Variants in SUSD6 observed in about 807,000 individuals in gnomAD.
SUSD6 encodes sushi domain-containing protein 6.
In SUSD6, 16 loss-of-function variants were observed where a neutral mutation model predicts 28.4. The observed-to-expected ratio is 0.56, with a 90% CI of 0.38 to 0.86. SUSD6 has a LOEUF of 0.86. SUSD6 is among the 40% of genes least tolerant of loss of function. The pLI is 0.00. For synonymous variants in SUSD6, 147 were observed against 159.6 expected, an observed-to-expected ratio of 0.92 and a Z score of 0.59; for missense variants, 341 against 384.2, an observed-to-expected ratio of 0.89 and a Z score of 0.94.
chr14:69,695,538 G>A (rs929843385), intron 2 of SUSD6, among the ~76,000 whole-genome samples: 1 of 152,108 alleles, frequency 6.6e-6, no homozygotes, highest in African/African-American at 2.4e-5. Flanking sequence ...AGAGTCTACG[G>A]GCAGTACCCA....
chr14:69,677,557 A>G (rs1385965533), intron 2 of SUSD6, among the ~76,000 whole-genome samples: 2 of 152,102 alleles, frequency 1.3e-5, no homozygotes, highest in South Asian at 2.1e-4. Context: ...AAAAAAAAAA[A>G]AAAAAAGAAA....
chr14:69,656,899 C>T (rs1203778565), intron 1 of SUSD6, among the ~76,000 whole-genome samples: 1 of 152,236 alleles, frequency 6.6e-6, no homozygotes, highest in Admixed American at 6.5e-5. Context: ...CAGACTCCAT[C>T]CCAGACCTCT....
intron 2 of SUSD6, among the ~76,000 whole-genome samples, chr14:69,702,672 TG>T (rs1234300927): frequency 1.3e-5 from 2 of 152,262 alleles, no homozygotes; most frequent in Non-Finnish European, 2.9e-5. Flanking sequence ...TTTACCTTGC[TG>T]TAAGCTTGGC....
At chr14:69,659,611 G>A (rs1414021438) in intron 2 of SUSD6, among the ~76,000 whole-genome samples, 4 of 152,132 alleles carry the variant, frequency 2.6e-5, no homozygotes, top group South Asian at 2.1e-4. Context: ...TCTGCCTCCC[G>A]GGTTCCAGCG....
intron 1 of SUSD6, among the ~76,000 whole-genome samples, chr14:69,638,916 G>C (rs543613746): frequency 2.0e-3 from 297 of 152,294 alleles, no homozygotes; most frequent in Admixed American, 3.6e-3. Flanking sequence ...GCTTCTCTGA[G>C]CTCCTTTGGT....
rs764731508 is a variant in SUSD6 at position 69,658,643 on chromosome 14, C to T, written c.51C>T (p.Ala17=). The change falls in exon 2 of 6, where the codon GCC becomes GCT. Residue 17 remains alanine, a synonymous_variant. Coordinates refer to ENST00000342745, the MANE Select transcript of SUSD6 (RefSeq NM_014734.4). ...AGAGCACCTCAGTGTTTGCCGTGGC[C>T]TCCGTGGGACATGGAGTGTTCCTTC... ...APKSTSVFAV[A]SVGHGVFLPL... The T allele has an allele frequency of 1.9e-6, 3 of 1,614,110 alleles. No individual in the cohort carries two copies. The highest frequency in any genetic ancestry group is 1.7e-5 in the Admixed American group (1 of 60,020).
At chr14:69,677,125 A>G (rs1885921510) in intron 2 of SUSD6, among the ~76,000 whole-genome samples, 1 of 152,222 alleles carries the variant, frequency 6.6e-6, no homozygotes, top group African/African-American at 2.4e-5. Flanking sequence ...TAAATTGTGT[A>G]AGTTAAGTTG....
chr14:69,683,988 G>T (rs962338280), intron 2 of SUSD6, among the ~76,000 whole-genome samples: 1 of 152,204 alleles, frequency 6.6e-6, no homozygotes, highest in Non-Finnish European at 1.5e-5. Flanking sequence ...AGTCCCCCTT[G>T]CAGGGCACAG....
At chr14:69,653,905 C>T (rs957110679) in intron 1 of SUSD6, among the ~76,000 whole-genome samples, 7 of 152,098 alleles carry the variant, frequency 4.6e-5, no homozygotes, top group African/African-American at 1.7e-4. Flanking sequence ...CCATTCTGGG[C>T]AATACTTTGG....
chr14:69,703,996 T>C (rs1401917722), intron 3 of SUSD6, among the ~76,000 whole-genome samples: 1 of 152,200 alleles, frequency 6.6e-6, no homozygotes, highest in African/African-American at 2.4e-5. Flanking sequence ...CCCTTACTGC[T>C]TCCTCCTGTC....
intron 1 of SUSD6, among the ~76,000 whole-genome samples, chr14:69,639,300 C>T (rs1595037277): frequency 5.6e-5 from 6 of 106,886 alleles, no homozygotes; most frequent in African/African-American, 1.8e-4. Context: ...GGCAACACAG[C>T]GAGACTCCGT....
chr14:69,711,144 A>T lies in SUSD6; in HGVS notation c.*165A>T. ...GCCCTATAGGCCCACCTTGCTGGAA[A>T]CTCAAGGAAGATTCTCGCCATCTGC... On this transcript the variant is annotated 3_prime_UTR_variant, in exon 6 of 6. Transcript: ENST00000342745. The T allele has an allele frequency of 3.1e-6, 2 of 648,736 alleles. No individual in the cohort carries two copies. Among genetic ancestry groups the T allele is most frequent in the Non-Finnish European group, 5.4e-6 (2 of 370,654 alleles). The allele number at this position is 648,736 out of a possible 1,614,324, so 40.2% of individuals were successfully genotyped here. A position where few individuals can be genotyped will look rare whatever the true frequency, so the allele number is the denominator to read the frequency against.
At chr14:69,683,380 C>T (rs1886026710) in intron 2 of SUSD6, among the ~76,000 whole-genome samples, 1 of 152,064 alleles carries the variant, frequency 6.6e-6, no homozygotes, top group African/African-American at 2.4e-5. Context: ...ATGAGGAGGA[C>T]CATGTCACAT....
chr14:69,672,328 A>G (rs1448723761), intron 2 of SUSD6, among the ~76,000 whole-genome samples: 1 of 152,016 alleles, frequency 6.6e-6, no homozygotes, highest in Admixed American at 6.5e-5. Context: ...TTTTTTCATG[A>G]ATAATTGGTC....
intron 2 of SUSD6, among the ~76,000 whole-genome samples, chr14:69,685,989 C>T (rs1463251855): frequency 1.3e-5 from 2 of 152,204 alleles, no homozygotes; most frequent in African/African-American, 2.4e-5. Flanking sequence ...TGTGCAGCCG[C>T]ATGTGCTGCA....
chr14:69,709,896 A>T (rs1886438020), intron 5 of SUSD6, among the ~76,000 whole-genome samples: 2 of 152,216 alleles, frequency 1.3e-5, no homozygotes, highest in Admixed American at 1.3e-4. Flanking sequence ...TATAGTGAAG[A>T]CTTGTACACT....
rs533036903 is a variant in SUSD6 at position 69,700,447 on chromosome 14, A to G, written c.122-2948A>G. 1.8e-4 allele frequency among the ~76,000 whole-genome samples: 27 copies of G among 152,304 alleles called. 1 individual carries two copies. In the South Asian group the frequency reaches 5.0e-3, roughly 28 times the overall value. On this transcript the variant is annotated intron_variant, in intron 2 of 5. Transcript: ENST00000342745. ...GCGGCTCCCCCTTTTCTTTGACTAT[A>G]ATTATAAATATCTCCTTTTGTAAGG...
chr14:69,657,406 G>A (rs2139613916), intron 1 of SUSD6, among the ~76,000 whole-genome samples: 1 of 152,174 alleles, frequency 6.6e-6, no homozygotes, highest in East Asian at 1.9e-4. Flanking sequence ...AGTGAGCCAA[G>A]ATTGTGCCAT....
chr14:69,697,635 C>T (rs541614091), intron 2 of SUSD6, among the ~76,000 whole-genome samples: 122 of 152,262 alleles, frequency 8.0e-4, no homozygotes, highest in African/African-American at 2.9e-3. Context: ...TAAATTACAT[C>T]TGTGGCCATG....
Sources: allele counts gnomAD v4.1 joint callset (sites outside exome capture counted in the v4.1 genomes callset), GRCh38; gene constraint gnomAD v4.1.1; transcripts MANE v1.5; gene names NCBI Gene and HGNC (gene_info 2026-07-23, HGNC 2026-07-21).